Variants in ODAD2 observed in about 807,000 individuals in gnomAD.
ODAD2 encodes outer dynein arm docking complex subunit 2.
In ODAD2, 89 loss-of-function variants were observed where a neutral mutation model predicts 106.8. The observed-to-expected ratio is 0.83, with a 90% CI of 0.70 to 0.99. ODAD2 has a LOEUF of 0.99. Ranked by LOEUF, ODAD2 falls within the 50% of genes least tolerant of loss-of-function variation. The pLI is 0.00. For missense variants in ODAD2, 1,168 were observed against 1,238.5 expected (o/e 0.94, Z 0.85); for synonymous variants, 404 against 436.2 (o/e 0.93, Z 0.92).
At chr10:27,944,510 C>G in intron 11 of ODAD2, 79 bp from the exon 12 acceptor site, 1 of 1,288,784 alleles carries the variant, frequency 7.8e-7, no homozygotes, top group East Asian at 2.4e-5. Flanking sequence ...TACCTAAAAT[C>G]CTTCCCCAGT....
At chr10:27,984,016 T>C in intron 5 of ODAD2, 37 bp from the exon 6 acceptor site, 5 of 1,589,544 alleles carry the variant, frequency 3.1e-6, no homozygotes, top group Non-Finnish European at 4.3e-6. Flanking sequence ...AGGAGTTCCT[T>C]AACCTAGAGT....
intron 19 of ODAD2, among the ~76,000 whole-genome samples, chr10:27,817,393 T>C (rs1836222865): frequency 6.6e-6 from 1 of 152,202 alleles, no homozygotes; most frequent in Non-Finnish European, 1.5e-5. Context: ...GCAAATTTCT[T>C]ACATGCATAT....
At chr10:27,872,879 T>G (rs78682156) in intron 17 of ODAD2, among the ~76,000 whole-genome samples, 1 of 152,144 alleles carries the variant, frequency 6.6e-6, no homozygotes, top group Non-Finnish European at 1.5e-5. Context: ...ATAAAATGAG[T>G]TAGAGAGGAT....
chr10:27,985,310 C>T (rs771639674), intron 3 of ODAD2, 99 bp from the exon 4 acceptor site: 6 of 1,002,352 alleles, frequency 6.0e-6, no homozygotes, highest in South Asian at 3.9e-5. Context: ...TCCATTCAGA[C>T]GTGTTTCTTT....
Position 27,949,031 on chromosome 10 carries a change from C to G in ODAD2, c.1387-4069G>C, listed in dbSNP as rs72799680. Among the ~76,000 whole-genome samples the G allele has an allele frequency of 1.0e-3, 154 of 152,048 alleles. 1 individual carries two copies. The highest frequency in any genetic ancestry group is 1.8e-3 in the Non-Finnish European group (122 of 67,988). On this transcript the variant is annotated intron_variant, in intron 10 of 19. Coordinates refer to ENST00000305242, the MANE Select transcript of ODAD2 (RefSeq NM_018076.5). ...CTTCAAATAAAATATTTGAAATAAGCAAGTATTACCCTGTTTGGTATACAG... is the reference window on the plus strand; with the variant it reads ...CTTCAAATAAAATATTTGAAATAAGGAAGTATTACCCTGTTTGGTATACAG...
chr10:27,867,106 T>C (rs1840495124), intron 17 of ODAD2, among the ~76,000 whole-genome samples: 1 of 151,794 alleles, frequency 6.6e-6, no homozygotes. Flanking sequence ...ATGGACAATA[T>C]ACACCATAGT....
In ODAD2 at chr10:27,907,790, C is replaced by G. The variant is rs377545802; in HGVS notation, c.2496-13G>C. The G allele has an allele frequency of 5.1e-6, 8 of 1,554,988 alleles. 1 individual carries two copies. In the South Asian group the frequency reaches 8.9e-5, roughly 17 times the overall value. The stretch of plus-strand genomic sequence containing the variant: ...GCGATCAATTATCCTATCGTGGAAC[C>G]CAAAATCATGATATAAACTGTCATT... On this transcript the variant is annotated splice_polypyrimidine_tract_variant and intron_variant, in intron 16 of 19. Transcript: ENST00000305242.
At chr10:27,891,850 A>C (rs1289433681) in intron 17 of ODAD2, among the ~76,000 whole-genome samples, 1 of 152,162 alleles carries the variant, frequency 6.6e-6, no homozygotes, top group Non-Finnish European at 1.5e-5. Flanking sequence ...GACACAATTA[A>C]ATTTTTATAT....
In ODAD2 at chr10:27,944,202, A is replaced by T; in HGVS notation, c.1743+20T>A. The T allele has an allele frequency of 6.3e-7, 1 of 1,599,922 alleles. No individual in the cohort carries two copies. Among genetic ancestry groups the T allele is most frequent in the East Asian group, 2.3e-5 (1 of 44,340 alleles). ...TGGCGGCTGGCACTAGATGACGATG[A>T]CAACATCACGGCTACTCACCAGTTT... On this transcript the variant is annotated intron_variant, in intron 12 of 19. Transcript: ENST00000305242.
chr10:27,897,346 C>A (rs992269933), intron 17 of ODAD2, among the ~76,000 whole-genome samples: 3 of 152,188 alleles, frequency 2.0e-5, no homozygotes, highest in African/African-American at 7.2e-5. Context: ...GACTGGACAT[C>A]TCTACCTGGA....
intron 10 of ODAD2, among the ~76,000 whole-genome samples, chr10:27,961,310 A>G (rs113256246): frequency 6.6e-6 from 1 of 152,098 alleles, no homozygotes; most frequent in Non-Finnish European, 1.5e-5. Flanking sequence ...GCAGCAAGTC[A>G]CAGTGTCAGC....
intron 17 of ODAD2, among the ~76,000 whole-genome samples, chr10:27,870,656 A>C (rs11006751): frequency 0.69 from 104,762 of 151,934 alleles, 36,271 homozygotes; most frequent in Middle Eastern, 0.75. Context: ...TTTCCAGCTT[A>C]ATCCATGTCC....
chr10:27,840,536 C>T (rs1366857802), intron 19 of ODAD2, among the ~76,000 whole-genome samples: 2 of 152,246 alleles, frequency 1.3e-5, no homozygotes, highest in East Asian at 3.9e-4. Context: ...GGGGTGGGTA[C>T]TTTTCTTAAA....
At chr10:27,929,035 T>C (rs1020987365) in intron 16 of ODAD2, among the ~76,000 whole-genome samples, 6 of 152,264 alleles carry the variant, frequency 3.9e-5, no homozygotes, top group Non-Finnish European at 5.9e-5. Context: ...TTATACACTA[T>C]ACGTATGAAC....
At chr10:27,977,647 AC>A (rs1295137022) in intron 7 of ODAD2, among the ~76,000 whole-genome samples, 3 of 152,178 alleles carry the variant, frequency 2.0e-5, no homozygotes, top group Non-Finnish European at 4.4e-5. Context: ...CATGTATCTA[AC>A]AGAATATATA....
Position 27,862,524 on chromosome 10 carries a change from A to G in ODAD2, c.2709T>C (p.Ala903=). The change falls in exon 18 of 20, where the codon GCT becomes GCC. Residue 903 remains alanine, a synonymous_variant. Transcript: ENST00000305242. ...GATCTTTTGCTATGTTGGTAATGGC[A>G]GCACATACACTTGCCAGAACTTCTT... The part of the protein sequence containing the change: ...DNKEVLASVC[A]AITNIAKDQE... 6.2e-7 allele frequency: 1 copy of G among 1,613,064 alleles called. No individual in the cohort carries two copies. The highest frequency in any genetic ancestry group is 8.5e-7 in the Non-Finnish European group (1 of 1,179,542).
At chr10:27,844,207 A>G (rs959762922) in intron 19 of ODAD2, among the ~76,000 whole-genome samples, 25 of 152,220 alleles carry the variant, frequency 1.6e-4, no homozygotes, top group African/African-American at 5.3e-4. Flanking sequence ...ACCAAAAAAA[A>G]GAATAATTGG....
At chr10:27,969,233 C>T (rs1848668695) in intron 8 of ODAD2, among the ~76,000 whole-genome samples, 1 of 151,920 alleles carries the variant, frequency 6.6e-6, no homozygotes, top group Non-Finnish European at 1.5e-5. Flanking sequence ...ACTTTCTGTC[C>T]AGCACCTAGG....
intron 16 of ODAD2, among the ~76,000 whole-genome samples, chr10:27,929,788 C>A (rs888958898): frequency 6.6e-6 from 1 of 152,134 alleles, no homozygotes; most frequent in South Asian, 2.1e-4. Context: ...AAGTTTACAG[C>A]CAATGGTTTG....
Sources: gnomAD v4.1 joint callset for allele counts (sites outside exome capture counted in the v4.1 genomes callset) on GRCh38, gnomAD v4.1.1 for gene constraint, MANE v1.5 for transcripts, NCBI Gene and HGNC (gene_info 2026-07-23, HGNC 2026-07-21) for gene names.